The following FARP2 variants were observed in gnomAD, a reference collection of about 807,000 sequenced individuals.
The protein encoded by FARP2 is FERM, ARHGEF and pleckstrin domain-containing protein 2.
A neutral mutation model predicts 130.5 loss-of-function variants in FARP2; 111 were observed. That is an observed-to-expected ratio of 0.85 (90% CI 0.73 to 1.00). The LOEUF (loss-of-function observed/expected upper bound fraction) is 1.00. Ranked by LOEUF, FARP2 falls within the 50% of genes least tolerant of loss-of-function variation. FARP2 has a pLI of 0.00. For missense variants in FARP2, 1,385 were observed against 1,346.3 expected (o/e 1.03, Z -0.45); for synonymous variants, 504 against 516.9 (o/e 0.98, Z 0.34).
chr2:241,374,132 C>T (rs2061484592), intron 2 of FARP2, among the ~76,000 whole-genome samples: 1 of 151,838 alleles, frequency 6.6e-6, no homozygotes. Flanking sequence ...CCTCCTCAAC[C>T]CCGGGAGTAG....
intron 2 of FARP2, among the ~76,000 whole-genome samples, chr2:241,389,793 G>A (rs1054570973): frequency 1.3e-5 from 2 of 152,010 alleles, no homozygotes; most frequent in Admixed American, 6.6e-5. Flanking sequence ...TATTTGCAGC[G>A]CTTATTCTAT....
intron 5 of FARP2, among the ~76,000 whole-genome samples, chr2:241,409,438 A>G (rs541775637): frequency 2.1e-4 from 32 of 152,120 alleles, no homozygotes; most frequent in African/African-American, 6.5e-4. Context: ...TAGTCCAGCT[A>G]CTCTGGAGGC....
chr2:241,469,268 G>T (rs754692649), intron 18 of FARP2, among the ~76,000 whole-genome samples: 127 of 152,036 alleles, frequency 8.4e-4, no homozygotes, highest in Non-Finnish European at 3.7e-4. Context: ...TGTATTTTTA[G>T]TAGAGATAGG....
chr2:241,362,189 G>A (rs1226753594), intron 1 of FARP2, among the ~76,000 whole-genome samples: 2 of 152,134 alleles, frequency 1.3e-5, no homozygotes, highest in African/African-American at 2.4e-5. Context: ...GAGCCATCAC[G>A]CCCGGTCCCC....
At chr2:241,374,763 A>G (rs1439943238) in intron 2 of FARP2, among the ~76,000 whole-genome samples, 2 of 152,206 alleles carry the variant, frequency 1.3e-5, no homozygotes, top group African/African-American at 2.4e-5. Context: ...CATCAGGGCC[A>G]TGGTAACTGA....
intron 2 of FARP2, among the ~76,000 whole-genome samples, chr2:241,392,677 T>A (rs2061935390): frequency 6.6e-6 from 1 of 152,062 alleles, no homozygotes; most frequent in Non-Finnish European, 1.5e-5. Context: ...TGTTGGCTCA[T>A]ACTTCTAATT....
rs2064434297 is a variant in FARP2, at chr2:241,475,461, C to T, written c.2132-396C>T. On this transcript the variant is annotated intron_variant, in intron 18 of 26. Coordinates refer to ENST00000264042, the MANE Select transcript of FARP2 (RefSeq NM_014808.4). The surrounding 1 kb of genome is among the most constrained non-coding windows in gnomAD (Gnocchi z 4.4). Reference sequence around the variant, plus strand: ...AAGCTTCTCTGTATTTACAGCCACTCCCCATTGCTTGCATTACCACCTGAG... The same window carrying T: ...AAGCTTCTCTGTATTTACAGCCACTTCCCATTGCTTGCATTACCACCTGAG... 6.6e-6 allele frequency among the ~76,000 whole-genome samples: 1 copy of T among 152,176 alleles called. No individual in the cohort carries two copies. Among genetic ancestry groups the T allele is most frequent in the African/African-American group, 2.4e-5 (1 of 41,430 alleles).
At chr2:241,389,188 G>A (rs1055517149) in intron 2 of FARP2, among the ~76,000 whole-genome samples, 1 of 151,878 alleles carries the variant, frequency 6.6e-6, no homozygotes, top group African/African-American at 2.4e-5. Flanking sequence ...GGCTGAGGCA[G>A]GAGAATTGCT....
intron 8 of FARP2, 134 bp downstream of exon 8, chr2:241,418,243 G>A (rs2062726523): frequency 2.3e-6 from 2 of 871,770 alleles, no homozygotes; most frequent in South Asian, 1.7e-5. Flanking sequence ...GAGGGGCTTT[G>A]CATATCATCC....
intron 16 of FARP2, 173 bp downstream of exon 16, chr2:241,463,641 C>G: frequency 1.3e-6 from 1 of 765,880 alleles, no homozygotes; most frequent in Non-Finnish European, 2.1e-6. Context: ...TATTCACCCT[C>G]TTCCAGAAAA....
At chr2:241,431,975 C>A (rs750779530) in intron 9 of FARP2, among the ~76,000 whole-genome samples, 23 of 152,060 alleles carry the variant, frequency 1.5e-4, no homozygotes, top group Non-Finnish European at 2.9e-4. Context: ...GCATGCGCCA[C>A]CACACCTGGC....
intron 2 of FARP2, among the ~76,000 whole-genome samples, chr2:241,380,028 C>A (rs949127603): frequency 6.6e-6 from 1 of 152,164 alleles, no homozygotes; most frequent in Non-Finnish European, 1.5e-5. Flanking sequence ...AACACACATA[C>A]ACAAGCAAGG....
intron 18 of FARP2, among the ~76,000 whole-genome samples, chr2:241,472,354 G>A (rs1010100533): frequency 1.3e-5 from 2 of 151,484 alleles, no homozygotes; most frequent in African/African-American, 4.9e-5. Context: ...GTTCTGTGGG[G>A]ATTCTGTTAT....
intron 1 of FARP2, among the ~76,000 whole-genome samples, chr2:241,359,596 G>A (rs2061138779): frequency 6.6e-6 from 1 of 152,202 alleles, no homozygotes; most frequent in Non-Finnish European, 1.5e-5. Context: ...CTGGTCTCCT[G>A]TTCCCCTGTG....
chr2:241,451,529 G>A (rs1033635846), intron 13 of FARP2, among the ~76,000 whole-genome samples: 1 of 152,144 alleles, frequency 6.6e-6, no homozygotes, highest in Admixed American at 6.6e-5. Context: ...CTTTGTGTGT[G>A]GTCGGTGTGT....
chr2:241,400,082 G>C (rs1323571968), intron 2 of FARP2, among the ~76,000 whole-genome samples: 4 of 152,190 alleles, frequency 2.6e-5, no homozygotes, highest in Admixed American at 2.6e-4. Flanking sequence ...CACCTGCGTG[G>C]TTAGTGTCTA....
intron 7 of FARP2, among the ~76,000 whole-genome samples, chr2:241,415,220 A>T (rs192667802): frequency 6.6e-6 from 1 of 152,120 alleles, no homozygotes; most frequent in Non-Finnish European, 1.5e-5. Flanking sequence ...CTCCTGCTCT[A>T]TTCTCCCAGG....
intron 18 of FARP2, among the ~76,000 whole-genome samples, chr2:241,473,419 G>T (rs895740285): frequency 3.3e-5 from 5 of 151,994 alleles, no homozygotes; most frequent in Non-Finnish European, 7.4e-5. Flanking sequence ...ACCCTGTTCT[G>T]CAGGGGGCAC....
chr2:241,458,968 T>C (rs1184028054), intron 14 of FARP2, among the ~76,000 whole-genome samples: 2 of 152,202 alleles, frequency 1.3e-5, no homozygotes, highest in African/African-American at 4.8e-5. Context: ...AGAGAAAGAT[T>C]CGGCAGCCCT....
Sources: allele counts gnomAD v4.1 joint callset (sites outside exome capture counted in the v4.1 genomes callset), GRCh38; gene constraint gnomAD v4.1.1; non-coding constraint Gnocchi (gnomAD v3.1); transcripts MANE v1.5; gene names NCBI Gene and HGNC (gene_info 2026-07-23, HGNC 2026-07-21).